MYO16: variants seen among roughly 807,000 people sequenced by gnomAD.
MYO16 encodes unconventional myosin-XVI.
A neutral mutation model predicts 205.3 loss-of-function variants in MYO16; 94 were observed. The observed-to-expected ratio is 0.46, with a 90% CI of 0.39 to 0.54. The LOEUF is 0.54. MYO16 is among the 20% of genes least tolerant of loss of function. The pLI is 0.00. For synonymous variants in MYO16, 988 were observed against 954.0 expected (o/e 1.04, Z -0.66); for missense variants, 2,315 against 2,387.5 (o/e 0.97, Z 0.63).
At chr13:108,594,689 C>T (rs1447597395), upstream of MYO16, among the ~76,000 whole-genome samples, 1 of 152,234 alleles carries the variant, frequency 6.6e-6, no homozygotes, top group Non-Finnish European at 1.5e-5. Context: ...AGGGACACTT[C>T]TTTGCATCCT....
chr13:108,725,682 T>A (rs1238041946), intron 3 of MYO16, among the ~76,000 whole-genome samples: 1 of 152,172 alleles, frequency 6.6e-6, no homozygotes, highest in Non-Finnish European at 1.5e-5. Flanking sequence ...GGCAGTTTCC[T>A]AGAGTGCAAG....
At chr13:108,840,106 C>T (rs1877161991) in intron 9 of MYO16, among the ~76,000 whole-genome samples, 1 of 152,182 alleles carries the variant, frequency 6.6e-6, no homozygotes, top group African/African-American at 2.4e-5. Context: ...GTTTTACTGA[C>T]TTGAAAATGC....
At chr13:108,755,522 T>C (rs138898722) in intron 4 of MYO16, among the ~76,000 whole-genome samples, 60 of 151,318 alleles carry the variant, frequency 4.0e-4, no homozygotes, top group African/African-American at 1.4e-3. Flanking sequence ...AATAGATGTC[T>C]TGCTAGTCTG....
intron 1 of MYO16, among the ~76,000 whole-genome samples, chr13:108,608,747 A>G (rs1879058881): frequency 6.6e-6 from 1 of 151,930 alleles, no homozygotes; most frequent in Non-Finnish European, 1.5e-5. Context: ...GGTTAAAGTG[A>G]TTCTCCTGCC....
chr13:108,771,359 G>T (rs1378581360), intron 4 of MYO16, among the ~76,000 whole-genome samples: 1 of 152,050 alleles, frequency 6.6e-6, no homozygotes, highest in Non-Finnish European at 1.5e-5. Flanking sequence ...TTTTAGAGCA[G>T]TTTTAGGTTC....
chr13:108,559,522 G>A, the MYO16 span, among the ~76,000 whole-genome samples: 1 of 133,724 alleles, frequency 7.5e-6, no homozygotes, highest in Non-Finnish European at 1.5e-5. Flanking sequence ...TCGCCAGGCT[G>A]GAGTGCAGTG....
intron 7 of MYO16, 60 bp from the exon 8 acceptor site, chr13:108,820,277 A>G: frequency 4.8e-6 from 6 of 1,238,252 alleles, no homozygotes; most frequent in Non-Finnish European, 6.9e-6. Flanking sequence ...TGTATGACTT[A>G]CTGATGTATC....
the MYO16 span, among the ~76,000 whole-genome samples, chr13:108,518,732 A>G: frequency 1.3e-5 from 2 of 152,192 alleles, no homozygotes; most frequent in Non-Finnish European, 2.9e-5. Flanking sequence ...TTTAAAAAAA[A>G]TGTTGGGCAA....
intron 8 of MYO16, among the ~76,000 whole-genome samples, chr13:108,822,466 T>G (rs1365132079): frequency 2.6e-5 from 4 of 152,160 alleles, no homozygotes; most frequent in Non-Finnish European, 4.4e-5. Context: ...AATGTTGATT[T>G]TTTCCTCATG....
At chr13:108,767,554 G>T (rs1885821703) in intron 4 of MYO16, among the ~76,000 whole-genome samples, 1 of 152,148 alleles carries the variant, frequency 6.6e-6, no homozygotes, top group Non-Finnish European at 1.5e-5. Flanking sequence ...TTGTTAACAT[G>T]GTTGGGTCTC....
chr13:108,840,928 A>T (rs1877210435), intron 9 of MYO16, among the ~76,000 whole-genome samples: 1 of 152,244 alleles, frequency 6.6e-6, no homozygotes. Flanking sequence ...ACTTGTTTTC[A>T]TGCATGACAC....
At chr13:108,897,742 A>G (rs578241706) in intron 14 of MYO16, among the ~76,000 whole-genome samples, 39 of 152,288 alleles carry the variant, frequency 2.6e-4, no homozygotes, top group Non-Finnish European at 4.7e-4. Context: ...GTGTGTGTAG[A>G]GAATGGCTTT....
At chr13:108,751,232 C>T (rs35726409) in intron 4 of MYO16, among the ~76,000 whole-genome samples, 244 of 152,040 alleles carry the variant, frequency 1.6e-3, no homozygotes, top group South Asian at 4.1e-3. Context: ...TTTGGAGAAA[C>T]GACTGAATCT....
rs536925520 is a variant in MYO16, at chr13:108,598,503, G to A, written c.-39+2264G>A. ...TCCATGGTAGAACAATATTTTTAAAGGTTGTTATTCAAGTGATAGGTTGAC... is the reference window on the plus strand; with the variant it reads ...TCCATGGTAGAACAATATTTTTAAAAGTTGTTATTCAAGTGATAGGTTGAC... On this transcript the variant is annotated intron_variant, in intron 1 of 24. Coordinates refer to the MYO16 transcript ENST00000251041. 3.3e-5 allele frequency among the ~76,000 whole-genome samples: 5 copies of A among 152,226 alleles called. No homozygotes were observed. In the East Asian group the frequency reaches 7.7e-4, roughly 24 times the overall value.
the MYO16 span, among the ~76,000 whole-genome samples, chr13:108,497,904 T>C: frequency 6.6e-6 from 1 of 152,136 alleles, no homozygotes; most frequent in Non-Finnish European, 1.5e-5. Context: ...TGAAGGAGAC[T>C]GAATAAAAAT....
intron 1 of MYO16, among the ~76,000 whole-genome samples, chr13:108,664,940 C>A (rs560920447): frequency 1.3e-5 from 2 of 152,292 alleles, no homozygotes; most frequent in South Asian, 4.1e-4. Context: ...AGCCAAAATT[C>A]TCTCCACAAT....
chr13:108,785,818 T>G (rs1358263056), intron 5 of MYO16, 75 bp downstream of exon 5: 4 of 982,612 alleles, frequency 4.1e-6, no homozygotes, highest in African/African-American at 3.3e-5. Flanking sequence ...TTTCACAGGT[T>G]TGCTTACATG....
chr13:109,087,901 T>C (rs1011367486), intron 27 of MYO16, among the ~76,000 whole-genome samples: 5 of 152,236 alleles, frequency 3.3e-5, no homozygotes, highest in African/African-American at 1.2e-4. Flanking sequence ...TATTTAGGCT[T>C]AAACAACAAA....
chr13:109,027,219 A>G (rs992952636), intron 23 of MYO16, among the ~76,000 whole-genome samples: 2 of 152,012 alleles, frequency 1.3e-5, no homozygotes, highest in African/African-American at 4.8e-5. Context: ...TATCACCCCA[A>G]TCTGTGCCTC....
Sources: allele counts gnomAD v4.1 joint callset (sites outside exome capture counted in the v4.1 genomes callset), GRCh38; gene constraint gnomAD v4.1.1; transcripts MANE v1.5; gene names NCBI Gene and HGNC (gene_info 2026-07-23, HGNC 2026-07-21).